The following XRN2 variants were observed in gnomAD, a reference collection of about 807,000 sequenced individuals.
The protein encoded by XRN2 is DHM1-like protein.
In XRN2, 44 loss-of-function variants were observed where a neutral mutation model predicts 138.5. The observed-to-expected ratio is 0.32, with a 90% confidence interval of 0.25 to 0.41. XRN2 has a LOEUF of 0.41. Ranked by LOEUF, XRN2 falls within the 10% of genes least tolerant of loss-of-function variation. The pLI, the probability that XRN2 is intolerant of heterozygous loss-of-function variation, is 1.00. For synonymous variants in XRN2, 354 were observed against 369.4 expected, an observed-to-expected ratio of 0.96 and a Z score of 0.48; for missense variants, 937 against 1,169.3, an observed-to-expected ratio of 0.80 and a Z score of 2.90.
intron 20 of XRN2, 99 bp from the exon 21 acceptor site, chr20:21,354,690 C>G: frequency 1.8e-6 from 2 of 1,098,844 alleles, no homozygotes; most frequent in Admixed American, 4.1e-5. Context: ...TTTGTATCAG[C>G]AAGGAAACTC....
chr20:21,339,880 G>A (rs1292495227), intron 14 of XRN2, among the ~76,000 whole-genome samples: 2 of 152,098 alleles, frequency 1.3e-5, no homozygotes, highest in Non-Finnish European at 2.9e-5. Flanking sequence ...TTTAGGGACT[G>A]CCTTTTACTA....
At chr20:21,334,962 G>C (rs1466835940) in intron 13 of XRN2, among the ~76,000 whole-genome samples, 1 of 152,214 alleles carries the variant, frequency 6.6e-6, no homozygotes, top group Non-Finnish European at 1.5e-5. Context: ...ACTAATGGAA[G>C]ATACTTGAAA....
At chr20:21,384,193 G>C (rs957545242) in intron 28 of XRN2, among the ~76,000 whole-genome samples, 2 of 152,164 alleles carry the variant, frequency 1.3e-5, no homozygotes, top group African/African-American at 4.8e-5. Context: ...CCCAGCATTG[G>C]AGTTCCCTTT....
rs1048326391 is a variant in XRN2, at chr20:21,303,395, C to A, written c.-4C>A. On this transcript the variant is annotated 5_prime_UTR_variant, in exon 1 of 30. Coordinates refer to ENST00000377191, the MANE Select transcript of XRN2 (RefSeq NM_012255.5). ...TCGGCCGCCGCCTCCAGCCGTGTGC[C>A]GCTATGGGAGTCCCGGCGTTCTTCC... The A allele has an allele frequency of 4.5e-6, 7 of 1,547,930 alleles. No individual in the cohort carries two copies. Among genetic ancestry groups the A allele is most frequent in the African/African-American group, 4.1e-5 (3 of 72,368 alleles).
intron 15 of XRN2, among the ~76,000 whole-genome samples, chr20:21,343,433 G>C (rs1046670287): frequency 2.6e-5 from 4 of 151,870 alleles, no homozygotes; most frequent in Non-Finnish European, 5.9e-5. Context: ...ATTTTTCTAA[G>C]ATGACTAATA....
chr20:21,360,981 G>T (rs2038630837), intron 24 of XRN2, among the ~76,000 whole-genome samples: 1 of 152,138 alleles, frequency 6.6e-6, no homozygotes, highest in Non-Finnish European at 1.5e-5. Context: ...CATTAATTAT[G>T]GAATGTATCA....
intron 26 of XRN2, 34 bp from the exon 27 acceptor site, chr20:21,368,427 TAC>T: frequency 6.2e-7 from 1 of 1,611,920 alleles, no homozygotes; most frequent in Non-Finnish European, 8.5e-7. Flanking sequence ...TATATCACTA[TAC>T]AATTTTTTTT....
chr20:21,349,558 C>A, intron 20 of XRN2, 97 bp downstream of exon 20: 1 of 1,041,960 alleles, frequency 9.6e-7, no homozygotes, highest in Non-Finnish European at 1.4e-6. Flanking sequence ...GCCTGGGCAA[C>A]ATGGTGAAAT....
chr20:21,303,829 G>T (rs2037775621), intron 1 of XRN2: 1 of 1,045,684 alleles, frequency 9.6e-7, no homozygotes, highest in South Asian at 4.0e-5. Context: ...AGAGGCTGTT[G>T]TTGAGCAATG....
intron 27 of XRN2, among the ~76,000 whole-genome samples, chr20:21,370,437 CA>C (rs1164889908): frequency 6.6e-6 from 1 of 150,788 alleles, no homozygotes; most frequent in Non-Finnish European, 1.5e-5. Context: ...TTAACACAGG[CA>C]AAAAAAAGTA....
intron 26 of XRN2, among the ~76,000 whole-genome samples, chr20:21,366,577 G>T (rs540262862): frequency 4.6e-5 from 7 of 150,750 alleles, no homozygotes; most frequent in Admixed American, 2.0e-4. Flanking sequence ...AAAAAAAAGG[G>T]AAAAAAAGAA....
At chr20:21,354,907 TGTAA>T in intron 21 of XRN2, 35 bp downstream of exon 21, 2 of 1,536,338 alleles carry the variant, frequency 1.3e-6, no homozygotes, top group Non-Finnish European at 9.0e-7. Flanking sequence ...CATTGATCTG[TGTAA>T]TATACACTTT....
chr20:21,344,762 A>C (rs2038415161), intron 16 of XRN2, among the ~76,000 whole-genome samples: 1 of 152,166 alleles, frequency 6.6e-6, no homozygotes, highest in Non-Finnish European at 1.5e-5. Flanking sequence ...GTATACTTCA[A>C]ATTTAAAATA....
chr20:21,340,740 C>G lies in XRN2; in HGVS notation c.1298C>G (p.Thr433Ser). Residue 433 changes from threonine (T) to serine (S), a missense_variant, in exon 15 of 30, where the codon ACT (threonine) becomes AGT (serine). Thr to Ser is a moderately conservative substitution (Grantham distance 58, BLOSUM62 1). This residue lies in a region of XRN2 where 471 missense variants were observed against 581.2 expected (regional missense o/e 0.81). Coordinates refer to ENST00000377191, the MANE Select transcript of XRN2 (RefSeq NM_012255.5). ...TGTTAGAGAGATCAACCAGCTTTCA[C>G]TCCTAGTGGAATATTAACTCCTCAT... is the stretch of plus-strand genomic sequence containing the variant. ...KRMKRDQPAFTPSGILTPHAL... is the reference protein window; with the variant it reads ...KRMKRDQPAFSPSGILTPHAL... 4 of 1,613,860 alleles carry G rather than the reference C, an allele frequency of 2.5e-6. No individual in the cohort carries two copies. The highest frequency in any genetic ancestry group is 3.4e-6 in the Non-Finnish European group (4 of 1,179,842).
intron 15 of XRN2, among the ~76,000 whole-genome samples, chr20:21,341,195 A>C (rs1326708787): frequency 1.3e-5 from 2 of 152,164 alleles, no homozygotes; most frequent in African/African-American, 4.8e-5. Flanking sequence ...CCTTCTCCAA[A>C]GAATAGGGTG....
intron 13 of XRN2, among the ~76,000 whole-genome samples, chr20:21,338,469 C>G (rs2038328759): frequency 6.6e-6 from 1 of 152,062 alleles, no homozygotes; most frequent in African/African-American, 2.4e-5. Flanking sequence ...TCCTTTTTTT[C>G]CATCGGATTG....
chr20:21,381,029 TTCTC>T (rs1009957890), intron 27 of XRN2, among the ~76,000 whole-genome samples: 8 of 152,238 alleles, frequency 5.3e-5, no homozygotes, highest in Non-Finnish European at 1.0e-4. Flanking sequence ...ACTTTTTTCT[TTCTC>T]TCTCTTTCTT....
At chr20:21,386,586 A>G (rs1036344017) in intron 28 of XRN2, among the ~76,000 whole-genome samples, 1 of 152,218 alleles carries the variant, frequency 6.6e-6, no homozygotes, top group Non-Finnish European at 1.5e-5. Flanking sequence ...TAAGTGACTA[A>G]AAAGGAAATT....
intron 1 of XRN2, among the ~76,000 whole-genome samples, chr20:21,307,364 C>A (rs1200250552): frequency 1.3e-5 from 1 of 75,654 alleles, no homozygotes; most frequent in African/African-American, 3.6e-5. Context: ...ACCTTTTTTT[C>A]TTCCCTTTCC....
Sources: gnomAD v4.1 joint callset for allele counts (sites outside exome capture counted in the v4.1 genomes callset) on GRCh38, gnomAD v4.1.1 for gene constraint, gnomAD v4.1.1 regional missense constraint, MANE v1.5 for transcripts, NCBI Gene and HGNC (gene_info 2026-07-23, HGNC 2026-07-21) for gene names.